Variants in OGFOD1 observed in about 807,000 individuals in gnomAD.
The protein encoded by OGFOD1 is 2-oxoglutarate and iron dependent oxygenase domain containing 1.
Under a neutral mutation model 67.7 loss-of-function variants are expected in OGFOD1, and 54 were observed. That is an observed-to-expected ratio of 0.80 (90% confidence interval 0.64 to 1.00). The LOEUF (loss-of-function observed/expected upper bound fraction) is 1.00, where lower values mean the gene tolerates loss of function less well. OGFOD1 is among the 50% of genes least tolerant of loss of function. The pLI is 0.00. For missense variants in OGFOD1, 606 were observed against 646.7 expected (o/e 0.94, Z 0.68); for synonymous variants, 221 against 227.0 (o/e 0.97, Z 0.24).
At position 56,458,584 on chromosome 16, in the gene OGFOD1, T is replaced by G. The variant is rs1962606831; in HGVS notation, c.337T>G (p.Ser113Ala). 1 of 1,613,218 alleles carries G rather than the reference T, an allele frequency of 6.2e-7. No individual in the cohort carries two copies. Among genetic ancestry groups the G allele is most frequent in the South Asian group, 1.1e-5 (1 of 91,064 alleles). ...DLKKRREPHI[S>A]TLRKILFEDF... is the part of the protein sequence containing the mutation. ...GAAGAAGAGAAGAGAGCCTCACATCTCCACTTTAAGGTAAACAAGTAATCA... is the reference window on the plus strand; with the variant it reads ...GAAGAAGAGAAGAGAGCCTCACATCGCCACTTTAAGGTAAACAAGTAATCA... Residue 113 changes from serine to alanine, a missense_variant, in exon 3 of 13, where the codon TCC becomes GCC. Coordinates refer to ENST00000566157, the MANE Select transcript of OGFOD1 (RefSeq NM_018233.4).
intron 8 of OGFOD1, among the ~76,000 whole-genome samples, chr16:56,468,236 C>G (rs1962985569): frequency 6.6e-6 from 1 of 152,132 alleles, no homozygotes. Flanking sequence ...TTCCCCAGTT[C>G]TCTAGAGTCT....
At chr16:56,470,383 C>A (rs1963109704) in intron 9 of OGFOD1, 104 bp from the exon 10 acceptor site, 1 of 1,114,290 alleles carries the variant, frequency 9.0e-7, no homozygotes, top group African/African-American at 1.6e-5. Flanking sequence ...GTAAGCTGTG[C>A]CAAGATTTAG....
At chr16:56,473,831 G>A (rs1963318500) in intron 10 of OGFOD1, among the ~76,000 whole-genome samples, 1 of 151,262 alleles carries the variant, frequency 6.6e-6, no homozygotes. Context: ...TTTTGAGGTG[G>A]ACTCTCGCTC....
At chr16:56,455,405 T>C (rs1448057153) in intron 2 of OGFOD1, among the ~76,000 whole-genome samples, 1 of 145,570 alleles carries the variant, frequency 6.9e-6, no homozygotes, top group African/African-American at 2.5e-5. Context: ...TAAGGCAAAA[T>C]AATAAAAAGA....
intron 4 of OGFOD1, among the ~76,000 whole-genome samples, chr16:56,463,263 G>A (rs116694229): frequency 0.022 from 3,311 of 151,096 alleles, 82 homozygotes; most frequent in Admixed American, 0.067. Context: ...TTCTTTGAGT[G>A]TACTCTCATA....
At chr16:56,462,833 G>C (rs1962758734) in intron 4 of OGFOD1, among the ~76,000 whole-genome samples, 199 bp downstream of exon 4, 1 of 152,192 alleles carries the variant, frequency 6.6e-6, no homozygotes, top group Non-Finnish European at 1.5e-5. Context: ...TTCAGAATAT[G>C]ATGAAAGCTA....
chr16:56,458,264 T>TA (rs1962594074), intron 2 of OGFOD1: 1 of 396,874 alleles, frequency 2.5e-6, no homozygotes, highest in Non-Finnish European at 4.6e-6. Flanking sequence ...ATCTTTATAC[T>TA]AATCTGCTTT....
chr16:56,452,035 C>CA, intron 1 of OGFOD1: 2 of 391,772 alleles, frequency 5.1e-6, no homozygotes, highest in Non-Finnish European at 9.2e-6. Context: ...ATTCTGGAGT[C>CA]AAAGATTACT....
rs1251676422 is a variant in OGFOD1, at chr16:56,463,395, T to G, written c.448+761T>G. On this transcript the variant is annotated intron_variant, in intron 4 of 12. Transcript: ENST00000566157. ...CATTTCTTTTTTGGGTTTTTTTTTT[T>G]TTTTTTTTTTTTTTTTTTTGGTTTG... Among the ~76,000 whole-genome samples the G allele has an allele frequency of 1.6e-3, 213 of 131,770 alleles. 2 individuals carry two copies. Among genetic ancestry groups the G allele is most frequent in the Non-Finnish European group, 2.3e-3 (145 of 62,210 alleles). 86.4% of individuals were successfully genotyped at this position (131,770 alleles called of 152,430 possible).
At chr16:56,453,606 G>C (rs932618286) in intron 2 of OGFOD1, 198 bp downstream of exon 2, 5 of 484,428 alleles carry the variant, frequency 1.0e-5, no homozygotes, top group Non-Finnish European at 1.5e-5. Context: ...TTATATGGAA[G>C]CCTTAGACAG....
Position 56,468,080 on chromosome 16 carries a change from G to A in OGFOD1, c.900+62G>A, listed in dbSNP as rs1002258282. The A allele has an allele frequency of 1.8e-5, 15 of 814,392 alleles. No individual in the cohort carries two copies. In the African/African-American group the frequency reaches 2.5e-4, roughly 14 times the overall value. The allele number at this position is 814,392 out of a possible 1,614,324, so 50.4% of individuals were successfully genotyped here. ...GGCATGCAATTTTGCTTCCCAAATG[G>A]GTGAATAGGCATCACTGGGGAGTTT... On this transcript the variant is annotated intron_variant, in intron 8 of 12. Transcript: ENST00000566157.
rs749932114 is a variant in OGFOD1, at chr16:56,466,858, T to G, written c.566-18T>G. 3.1e-5 allele frequency: 49 copies of G among 1,573,670 alleles called. No individual in the cohort carries two copies. The highest frequency in any genetic ancestry group is 4.1e-5 in the Non-Finnish European group (47 of 1,143,968). On this transcript the variant is annotated intron_variant, in intron 5 of 12. Coordinates refer to ENST00000566157, the MANE Select transcript of OGFOD1 (RefSeq NM_018233.4). Reference sequence around the variant, plus strand: ...AGTGGTTAATGATAATTTATTGATGTGTTCTTTCCTGGTGCAGAACACTTT... The same window carrying G: ...AGTGGTTAATGATAATTTATTGATGGGTTCTTTCCTGGTGCAGAACACTTT...
At chr16:56,475,078 C>CA in intron 11 of OGFOD1, 128 bp downstream of exon 11, 1 of 946,108 alleles carries the variant, frequency 1.1e-6, no homozygotes, top group Non-Finnish European at 1.6e-6. Context: ...CATGGGATCT[C>CA]AAAGTCAAAG....
intron 3 of OGFOD1, among the ~76,000 whole-genome samples, chr16:56,459,429 T>C (rs1172650679): frequency 1.3e-5 from 2 of 152,062 alleles, no homozygotes; most frequent in African/African-American, 2.4e-5. Context: ...TTGTTTATAA[T>C]ATTGAAAAAT....
Position 56,467,297 on chromosome 16 carries a change from A to G in OGFOD1, c.786+4A>G, listed in dbSNP as rs756133551. On this transcript the variant is annotated splice_donor_region_variant and intron_variant, in intron 7 of 12. Transcript: ENST00000566157. ...GAGCCCTCACATCCCACAAGATGTA[A>G]GAAGAATTGCTGATATCCTTATCTT... 4 of 1,614,130 alleles carry G rather than the reference A, an allele frequency of 2.5e-6. No homozygotes were observed. Among genetic ancestry groups the G allele is most frequent in the Middle Eastern group, 1.7e-4 (1 of 6,058 alleles).
At chr16:56,470,874 A>AAT in intron 10 of OGFOD1, 83 bp downstream of exon 10, 1 of 1,344,824 alleles carries the variant, frequency 7.4e-7, no homozygotes, top group Non-Finnish European at 1.0e-6. Flanking sequence ...ACATTTATTG[A>AAT]GCATCTACTG....
intron 1 of OGFOD1, among the ~76,000 whole-genome samples, chr16:56,452,497 C>G (rs1339152560): frequency 1.3e-5 from 2 of 152,196 alleles, no homozygotes; most frequent in Admixed American, 6.5e-5. Context: ...GCCAGGCATC[C>G]CCTTCTAGAG....
rs551769777 is a variant in OGFOD1, at chr16:56,451,881, G to C, written c.154+115G>C. The C allele has an allele frequency of 3.2e-5, 39 of 1,237,434 alleles. No homozygotes were observed. In the African/African-American group the frequency reaches 5.8e-4, roughly 18 times the overall value. 76.7% of individuals were successfully genotyped at this position (1,237,434 alleles called of 1,614,324 possible). Reference sequence around the variant, plus strand: ...GGGGCCGCAAGGGAAGAGGCTCTTAGAGGACTTTGGCCACCTCCTACTCTC... The same window carrying C: ...GGGGCCGCAAGGGAAGAGGCTCTTACAGGACTTTGGCCACCTCCTACTCTC... On this transcript the variant is annotated intron_variant, in intron 1 of 12. Transcript: ENST00000566157.
chr16:56,472,433 AAG>A (rs1300508874), intron 10 of OGFOD1, among the ~76,000 whole-genome samples: 1 of 152,210 alleles, frequency 6.6e-6, no homozygotes, highest in African/African-American at 2.4e-5. Context: ...ACAAAAGTGA[AAG>A]AGAAAAGTCA....
Sources: allele counts gnomAD v4.1 joint callset (sites outside exome capture counted in the v4.1 genomes callset), GRCh38; gene constraint gnomAD v4.1.1; transcripts MANE v1.5; gene names NCBI Gene and HGNC (gene_info 2026-07-23, HGNC 2026-07-21).